MAP3K6: variants seen among roughly 807,000 people sequenced by gnomAD.
MAP3K6 encodes apoptosis signal-regulating kinase 2.
In MAP3K6, 105 loss-of-function variants were observed where a neutral mutation model predicts 147.1. That is an observed-to-expected ratio of 0.71 (90% CI 0.61 to 0.84). MAP3K6 has a LOEUF of 0.84. Among genes scored for constraint, MAP3K6 ranks in the 40% least tolerant of loss-of-function variants. MAP3K6 has a pLI of 0.00. For synonymous variants in MAP3K6, 695 were observed against 732.4 expected, an observed-to-expected ratio of 0.95 and a Z score of 0.82; for missense variants, 1,569 against 1,715.0, an observed-to-expected ratio of 0.91 and a Z score of 1.50.
rs1273464246 is a variant in MAP3K6 at position 27,358,452 on chromosome 1, G to A, written c.2743C>T (p.Pro915Ser). The A allele has an allele frequency of 6.3e-7, 1 of 1,594,740 alleles. No individual in the cohort carries two copies. The highest frequency in any genetic ancestry group is 1.4e-5 in the African/African-American group (1 of 73,378). ...CGTGGAGCATGTCGTGGGGAGCTGG[G>A]GCTGCGGCTCCTTTTCCCAGGCTGC... ...FLQPGKRSRS[P>S]SSPRHAPRPS... The change falls in exon 20 of 29, where the codon CCC (proline) becomes TCC (serine). Residue 915 changes from proline (P) to serine (S), a missense_variant. By Grantham distance (74) the Pro-to-Ser change is moderately conservative. Transcript: ENST00000357582. The surrounding 1 kb of genome is among the most constrained non-coding windows in gnomAD (Gnocchi z 6.2).
chr1:27,361,455 G>T, intron 11 of MAP3K6, 60 bp from the exon 12 acceptor site: 1 of 1,610,026 alleles, frequency 6.2e-7, no homozygotes. Context: ...GTCTGAGGAT[G>T]GGAGAAAGGC....
Position 27,357,066 on chromosome 1 carries a change from C to T in MAP3K6, c.3307G>A (p.Val1103Ile), listed in dbSNP as rs780394107. 3.1e-6 allele frequency: 5 copies of T among 1,613,980 alleles called. No individual in the cohort carries two copies. Among genetic ancestry groups the T allele is most frequent in the East Asian group, 4.5e-5 (2 of 44,892 alleles). ...GCACGGCTGAGCAGTGAGTCCAGAA[C>T]GAACATCCAGTGTGGACGGATCTGG... ...KRQIRPHWMF[V>I]LDSLLSRAVR... Residue 1103 changes from valine to isoleucine, a missense_variant, in exon 24 of 29, where the codon GTT becomes ATT. Transcript: ENST00000357582.
Position 27,366,606 on chromosome 1 carries a change from G to A in MAP3K6, c.-9C>T. 9.3e-7 allele frequency: 1 copy of A among 1,076,782 alleles called. No individual in the cohort carries two copies. The highest frequency in any genetic ancestry group is 1.1e-6 in the Non-Finnish European group (1 of 889,442). The allele number at this position is 1,076,782 out of a possible 1,614,324, so 66.7% of individuals were successfully genotyped here. A position where few individuals can be genotyped will look rare whatever the true frequency, so the allele number is the denominator to read the frequency against. ...GGACACGGCCCCGCCATGCGGGGGC[G>A]CTCAGGCGCGGGGCGCCGCGCACTG... is the stretch of plus-strand genomic sequence containing the variant. On this transcript the variant is annotated 5_prime_UTR_variant, in exon 1 of 29. Transcript: ENST00000357582. This position sits in a 1 kb window ranked among gnomAD's most constrained non-coding sequence, Gnocchi z 5.5.
In MAP3K6 at chr1:27,363,251, G is replaced by T. The variant is rs558855306; in HGVS notation, c.971+191C>A. ...TTGGACAGCGGTGACCATACCACAG[G>T]CAGCACCACCTCCCCCACCCCGACC... On this transcript the variant is annotated intron_variant, in intron 6 of 28. Coordinates refer to ENST00000357582, the MANE Select transcript of MAP3K6 (RefSeq NM_004672.5). 8.5e-5 allele frequency among the ~76,000 whole-genome samples: 13 copies of T among 152,124 alleles called. No individual in the cohort carries two copies. In the South Asian group the frequency reaches 2.7e-3, roughly 32 times the overall value.
At chr1:27,363,370 G>T in intron 6 of MAP3K6, 72 bp downstream of exon 6, 3 of 1,277,576 alleles carry the variant, frequency 2.3e-6, no homozygotes, top group Non-Finnish European at 3.3e-6. Flanking sequence ...GACAGCAATG[G>T]CTTTGCACGC....
At chr1:27,361,108 C>CG (rs757548397) in intron 13 of MAP3K6, 49 bp downstream of exon 13, 1 of 1,552,734 alleles carries the variant, frequency 6.4e-7, no homozygotes, top group Admixed American at 2.0e-5. Flanking sequence ...CCCACTCCCC[C>CG]CCGGGCATCC....
chr1:27,357,722 T>C lies in MAP3K6; in HGVS notation c.3070A>G (p.Lys1024Glu), dbSNP rs77153547. The C allele has an allele frequency of 2.3e-3, 3,732 of 1,611,380 alleles. 75 individuals are homozygous for C. The African/African-American group carries it at 0.041, about 18-fold the overall frequency. ...AGTGGGCCGCCCACCTGCTCTTGCT[T>C]CTGCTCCTGGTGCAGATTCTCCGCC... ...ALAENLHQEQ[K>E]QEQGARLGRN... The change falls in exon 22 of 29, where the codon AAG (lysine) becomes GAG (glutamate). Residue 1024 changes from lysine to glutamate, a missense_variant. Coordinates refer to ENST00000357582, the MANE Select transcript of MAP3K6 (RefSeq NM_004672.5).
At position 27,360,811 on chromosome 1, in the gene MAP3K6, C is replaced by T; in HGVS notation, c.1948G>A (p.Glu650Lys). Residue 650 changes from glutamate to lysine, a missense_variant, in exon 15 of 29, where the codon GAG (glutamate) becomes AAG (lysine). Glu to Lys is a moderately conservative substitution (Grantham distance 56). Transcript: ENST00000357582. The surrounding 1 kb of genome is among the most constrained non-coding windows in gnomAD (Gnocchi z 4.5). ...EFDYEYTETG[E>K]RLVLGKGTYG... ...GTGCCCTTGCCCAGCACCAGCCGCTCGCCCGTCTCCGTGTACTCATAATCA... is the reference window on the plus strand; with the variant it reads ...GTGCCCTTGCCCAGCACCAGCCGCTTGCCCGTCTCCGTGTACTCATAATCA... 1 of 1,612,868 alleles carries T rather than the reference C, an allele frequency of 6.2e-7. No homozygotes were observed. The highest frequency in any genetic ancestry group is 8.5e-7 in the Non-Finnish European group (1 of 1,179,888).
At position 27,356,605 on chromosome 1, in the gene MAP3K6, C is replaced by A; in HGVS notation, c.3509G>T (p.Arg1170Met). The A allele has an allele frequency of 1.2e-6, 2 of 1,612,662 alleles. No individual in the cohort carries two copies. The highest frequency in any genetic ancestry group is 2.2e-5 in the South Asian group (2 of 90,884). Residue 1170 changes from arginine to methionine, a missense_variant, in exon 25 of 29, where the codon AGG (arginine) becomes ATG (methionine). Physicochemically the swap from Arg to Met is moderately conservative, Grantham distance 91. Coordinates refer to ENST00000357582, the MANE Select transcript of MAP3K6 (RefSeq NM_004672.5). ...APLMVQLSLLRAETDRLREIL... is the reference protein window; with the variant it reads ...APLMVQLSLLMAETDRLREIL... The stretch of plus-strand genomic sequence containing the variant: ...GGGGCTTTACCGATCAGTCTCTGCC[C>A]TCAAGAGGCTCAGCTGCACCATCAG...
In MAP3K6 at chr1:27,366,323, C is replaced by A; in HGVS notation, c.275G>T (p.Arg92Leu). The change falls in exon 1 of 29, where the codon CGC becomes CTC. Residue 92 changes from arginine (R) to leucine (L), a missense_variant. Transcript: ENST00000357582. The surrounding 1 kb of genome is among the most constrained non-coding windows in gnomAD (Gnocchi z 5.5). The part of the protein sequence containing the change: ...VPRPRPPPQL[R>L]SLPFGTLELG... ...CTCCAGCGTCCCGAAGGGCAGGCTG[C>A]GCAGCTGCGGGGGCGGCCGCGGCCG... 7.6e-7 allele frequency: 1 copy of A among 1,308,484 alleles called. No individual in the cohort carries two copies. The highest frequency in any genetic ancestry group is 2.1e-5 in the South Asian group (1 of 47,450). The allele number at this position is 1,308,484 out of a possible 1,614,324, so 81.1% of individuals were successfully genotyped here.
intron 13 of MAP3K6, 28 bp from the exon 14 acceptor site, chr1:27,361,036 G>A (rs376695489): frequency 8.6e-5 from 133 of 1,547,374 alleles, no homozygotes; most frequent in Non-Finnish European, 1.1e-4. Flanking sequence ...CAGACCCGCG[G>A]GAGGGGCATC....
rs2015727977 is a variant in MAP3K6 at position 27,360,807 on chromosome 1, C to A, written c.1952G>T (p.Arg651Leu). The stretch of plus-strand genomic sequence containing the variant: ...ATACGTGCCCTTGCCCAGCACCAGC[C>A]GCTCGCCCGTCTCCGTGTACTCATA... ...FDYEYTETGE[R>L]LVLGKGTYGV... is the part of the protein sequence containing the mutation. The change falls in exon 15 of 29, where the codon CGG (arginine) becomes CTG (leucine). Residue 651 changes from arginine (R) to leucine (L), a missense_variant. Transcript: ENST00000357582. This position sits in a 1 kb window ranked among gnomAD's most constrained non-coding sequence, Gnocchi z 4.5. The A allele has an allele frequency of 6.2e-7, 1 of 1,612,790 alleles. No homozygotes were observed. The highest frequency in any genetic ancestry group is 2.2e-5 in the East Asian group (1 of 44,878).
In MAP3K6 at chr1:27,366,617, G is replaced by A. The variant is rs929726929; in HGVS notation, c.-20C>T. ...CGCCATGCGGGGGCGCTCAGGCGCG[G>A]GGCGCCGCGCACTGGGAACCGGGGG... is the stretch of plus-strand genomic sequence containing the variant. On this transcript the variant is annotated 5_prime_UTR_variant, in exon 1 of 29. Transcript: ENST00000357582. The surrounding 1 kb of genome is among the most constrained non-coding windows in gnomAD (Gnocchi z 5.5). 2.0e-5 allele frequency: 22 copies of A among 1,078,444 alleles called. No homozygotes were observed. The African/African-American group carries it at 3.5e-4, about 17-fold the overall frequency. 66.8% of individuals were successfully genotyped at this position (1,078,444 alleles called of 1,614,324 possible). A position where few individuals can be genotyped will look rare whatever the true frequency, so the allele number is the denominator to read the frequency against.
Position 27,356,670 on chromosome 1 carries a change from C to T in MAP3K6, c.3444G>A (p.Gln1148=), listed in dbSNP as rs376456106. 20 of 1,611,404 alleles carry T rather than the reference C, an allele frequency of 1.2e-5. No individual in the cohort carries two copies. In the African/African-American group the frequency reaches 1.7e-4, roughly 14 times the overall value. The change falls in exon 25 of 29, where the codon CAG becomes CAA. Residue 1148 remains glutamine, a synonymous_variant. Transcript: ENST00000357582. ...GCTCGGGCTCCACCGGAAGCGGGCT[C>T]TGCTGGCCTGGGCTCTGCTGGGAGT... ...EGDSQQSPGQ[Q]SPLPVEPEQG...
In MAP3K6 at chr1:27,356,659, G is replaced by A. The variant is rs762693057; in HGVS notation, c.3455C>T (p.Pro1152Leu). ...QQSPGQQSPL[P>L]VEPEQGPAPL... The stretch of plus-strand genomic sequence containing the variant: ...AGCGGGGCCCTGCTCGGGCTCCACC[G>A]GAAGCGGGCTCTGCTGGCCTGGGCT... The change falls in exon 25 of 29, where the codon CCG (proline) becomes CTG (leucine). Residue 1152 changes from proline to leucine, a missense_variant. Transcript: ENST00000357582. 4.3e-5 allele frequency: 69 copies of A among 1,611,820 alleles called. No individual in the cohort carries two copies. The highest frequency in any genetic ancestry group is 1.7e-4 in the Middle Eastern group (1 of 6,042).
rs373777368 is a variant in MAP3K6, at chr1:27,362,082, G to A, written c.1415+9C>T. 1,547 of 1,604,956 alleles carry A rather than the reference G, an allele frequency of 9.6e-4. No individual in the cohort carries two copies. The highest frequency in any genetic ancestry group is 1.3e-3 in the Non-Finnish European group (1,503 of 1,174,912). Reference sequence around the variant, plus strand: ...AGGTCAGGCCAAGAATGCAGAGGGGGCCACCTACCATATGGGGGCATTGAG... The same window carrying A: ...AGGTCAGGCCAAGAATGCAGAGGGGACCACCTACCATATGGGGGCATTGAG... On this transcript the variant is annotated intron_variant, in intron 9 of 28. Transcript: ENST00000357582.
rs1357293619 is a variant in MAP3K6, at chr1:27,357,645, G to A, written c.3081+66C>T. 7.6e-6 allele frequency: 12 copies of A among 1,589,342 alleles called. No individual in the cohort carries two copies. In the East Asian group the frequency reaches 2.7e-4, roughly 36 times the overall value. On this transcript the variant is annotated intron_variant, in intron 22 of 28. Transcript: ENST00000357582. The stretch of plus-strand genomic sequence containing the variant: ...AGAGACGCTGCCGCGGAGGTAGGGG[G>A]CGGGGACATCAACAGGTGTCCTGAC...
Position 27,359,727 on chromosome 1 carries a change from C to G in MAP3K6, c.2319+131G>C, listed in dbSNP as rs547260332. 1.3e-4 allele frequency: 186 copies of G among 1,427,464 alleles called. No homozygotes were observed. Among genetic ancestry groups the G allele is most frequent in the Non-Finnish European group, 1.7e-4 (176 of 1,047,432 alleles). 88.4% of individuals were successfully genotyped at this position (1,427,464 alleles called of 1,614,324 possible). On this transcript the variant is annotated intron_variant, in intron 17 of 28. Transcript: ENST00000357582. The surrounding 1 kb of genome is among the most constrained non-coding windows in gnomAD (Gnocchi z 4.4). ...ACCTTTCCCCTCCTTCTCTAAGGAG[C>G]CTCCCTGATGAATTCCCTACCCTTT...
Position 27,362,758 on chromosome 1 carries a change from G to A in MAP3K6, c.1143-5C>T. ...ACGTCAAAAGCCTTGCGATACCTGG[G>A]GTGGGGGTAGGGGGCACAGGGCTGG... On this transcript the variant is annotated splice_polypyrimidine_tract_variant and splice_region_variant and intron_variant, in intron 7 of 28. Transcript: ENST00000357582. The A allele has an allele frequency of 6.2e-7, 1 of 1,612,706 alleles. No homozygotes were observed. Among genetic ancestry groups the A allele is most frequent in the Non-Finnish European group, 8.5e-7 (1 of 1,179,168 alleles).
Sources: allele counts gnomAD v4.1 joint callset (sites outside exome capture counted in the v4.1 genomes callset), GRCh38; gene constraint gnomAD v4.1.1; non-coding constraint Gnocchi (gnomAD v3.1); transcripts MANE v1.5; gene names NCBI Gene and HGNC (gene_info 2026-07-23, HGNC 2026-07-21).